Variants in TBC1D19 observed in about 807,000 individuals in gnomAD.
The protein encoded by TBC1D19 is TBC1 domain family, member 19.
A neutral mutation model predicts 89.0 loss-of-function variants in TBC1D19; 60 were observed. That is an observed-to-expected ratio of 0.67 (90% CI 0.55 to 0.84). TBC1D19 has a LOEUF of 0.84. Among genes scored for constraint, TBC1D19 ranks in the 40% least tolerant of loss-of-function variants. The probability of loss-of-function intolerance (pLI) is 0.00; values close to 1 mark genes in which losing one functional copy is unlikely to be tolerated. For synonymous variants in TBC1D19, 189 were observed against 199.7 expected (o/e 0.95, Z 0.45); for missense variants, 500 against 610.8 (o/e 0.82, Z 1.91).
chr4:26,772,954 G>T, the TBC1D19 span, among the ~76,000 whole-genome samples: 1 of 152,180 alleles, frequency 6.6e-6, no homozygotes, highest in Admixed American at 6.5e-5. Flanking sequence ...ATTACAGAAA[G>T]ATATATATTC....
At chr4:26,660,589 A>G (rs1425604437) in intron 8 of TBC1D19, among the ~76,000 whole-genome samples, 1 of 152,170 alleles carries the variant, frequency 6.6e-6, no homozygotes, top group African/African-American at 2.4e-5. Context: ...AGAAGGTTCT[A>G]GAGGGACACT....
chr4:26,682,988 C>T (rs1020210834), intron 11 of TBC1D19, among the ~76,000 whole-genome samples: 2 of 151,992 alleles, frequency 1.3e-5, no homozygotes, highest in Non-Finnish European at 2.9e-5. Flanking sequence ...GTCTGTTGCC[C>T]AGGCTGGAGA....
chr4:26,737,127 A>G (rs942346718), intron 16 of TBC1D19, among the ~76,000 whole-genome samples: 1 of 152,176 alleles, frequency 6.6e-6, no homozygotes, highest in Non-Finnish European at 1.5e-5. Context: ...GGTGAATGAC[A>G]TAATATAAAA....
At chr4:26,665,051 TG>T (rs896508391) in intron 8 of TBC1D19, among the ~76,000 whole-genome samples, 5 of 152,176 alleles carry the variant, frequency 3.3e-5, no homozygotes, top group African/African-American at 1.2e-4. Context: ...CCTGCTGAAC[TG>T]GGGCATAGTA....
the TBC1D19 span, among the ~76,000 whole-genome samples, chr4:26,783,605 T>C: frequency 3.9e-5 from 6 of 152,180 alleles, no homozygotes; most frequent in Non-Finnish European, 8.8e-5. Flanking sequence ...GCCAATCCTA[T>C]TTATCCACTT....
intron 8 of TBC1D19, among the ~76,000 whole-genome samples, chr4:26,661,018 G>A (rs1170856801): frequency 6.6e-6 from 1 of 152,148 alleles, no homozygotes; most frequent in Non-Finnish European, 1.5e-5. Flanking sequence ...AAGAAATGGA[G>A]GTACCACATG....
In TBC1D19 at chr4:26,756,199, C is replaced by T. The variant is rs954206655; in HGVS notation, c.*1252C>T. ...ATTCCATGATTGATTCTTAATAAACCCCATTTTATTGCTTTTGAAGGTGAT... is the reference window on the plus strand; with the variant it reads ...ATTCCATGATTGATTCTTAATAAACTCCATTTTATTGCTTTTGAAGGTGAT... On this transcript the variant is annotated 3_prime_UTR_variant, in exon 21 of 21. Transcript: ENST00000264866. Among the ~76,000 whole-genome samples, 12 of 151,898 alleles carry T rather than the reference C, an allele frequency of 7.9e-5. No individual in the cohort carries two copies. Among genetic ancestry groups the T allele is most frequent in the African/African-American group, 2.4e-4 (10 of 41,348 alleles).
intron 3 of TBC1D19, among the ~76,000 whole-genome samples, chr4:26,616,421 A>G (rs952324523): frequency 6.6e-6 from 1 of 152,216 alleles, no homozygotes; most frequent in Non-Finnish European, 1.5e-5. Context: ...ATGGAAGTGC[A>G]CATCAAGGGT....
At chr4:26,701,393 TA>T (rs146290517) in intron 13 of TBC1D19, among the ~76,000 whole-genome samples, 2,903 of 152,284 alleles carry the variant, frequency 0.019, 92 homozygotes, top group African/African-American at 0.067. Context: ...ACTTTTTGTT[TA>T]TAGTGCTTAT....
the TBC1D19 span, among the ~76,000 whole-genome samples, chr4:26,840,963 C>G: frequency 1.2e-4 from 19 of 152,136 alleles, no homozygotes; most frequent in African/African-American, 2.7e-4. Flanking sequence ...ACCCTTCCCC[C>G]CAAGACTGCC....
At chr4:26,610,044 C>T (rs561419887) in intron 1 of TBC1D19, among the ~76,000 whole-genome samples, 1 of 152,036 alleles carries the variant, frequency 6.6e-6, no homozygotes, top group Non-Finnish European at 1.5e-5. Context: ...TTTGAGAGTG[C>T]CAGGTGGAAG....
intron 1 of TBC1D19, among the ~76,000 whole-genome samples, chr4:26,606,455 A>G (rs1741009836): frequency 6.6e-6 from 1 of 152,230 alleles, no homozygotes; most frequent in African/African-American, 2.4e-5. Flanking sequence ...CAGAAGAGAC[A>G]TTAAGCTTAT....
intron 13 of TBC1D19, among the ~76,000 whole-genome samples, chr4:26,709,789 TA>T: frequency 6.6e-6 from 1 of 152,038 alleles, no homozygotes; most frequent in African/African-American, 2.4e-5. Context: ...AATTTTTGTC[TA>T]GGTGGGGAAA....
At chr4:26,754,751 G>A (rs1470879695) in intron 20 of TBC1D19, 122 bp from the exon 21 acceptor site, 2 of 685,526 alleles carry the variant, frequency 2.9e-6, no homozygotes, top group Non-Finnish European at 4.6e-6. Flanking sequence ...TGTAGCTTTA[G>A]TATTAAGATT....
In TBC1D19 at chr4:26,666,412, A is replaced by AT; in HGVS notation, c.664+12dup. On this transcript the variant is annotated splice_region_variant and intron_variant, in intron 9 of 20. Coordinates refer to ENST00000264866, the MANE Select transcript of TBC1D19 (RefSeq NM_018317.4). Reference sequence around the variant, plus strand: ...TCTACACAAGTGCCTCCTGGTTAGTATTTTTCCAACGGCATATAATTAATG... The same window carrying AT: ...TCTACACAAGTGCCTCCTGGTTAGTATTTTTTCCAACGGCATATAATTAATG... 2 of 1,605,990 alleles carry AT rather than the reference A, an allele frequency of 1.2e-6. No individual in the cohort carries two copies. Among genetic ancestry groups the AT allele is most frequent in the Non-Finnish European group, 8.5e-7 (1 of 1,174,802 alleles).
chr4:26,644,459 C>T (rs1743774721), intron 7 of TBC1D19, among the ~76,000 whole-genome samples: 1 of 152,156 alleles, frequency 6.6e-6, no homozygotes, highest in African/African-American at 2.4e-5. Flanking sequence ...AACCCACAGC[C>T]AGTATCATAC....
chr4:26,846,391 T>C, the TBC1D19 span, among the ~76,000 whole-genome samples: 1 of 152,222 alleles, frequency 6.6e-6, no homozygotes, highest in African/African-American at 2.4e-5. Flanking sequence ...TTTCAACTAC[T>C]TGTATTTATA....
At chr4:26,790,680 G>T in the TBC1D19 span, among the ~76,000 whole-genome samples, 4 of 152,164 alleles carry the variant, frequency 2.6e-5, no homozygotes, top group East Asian at 7.7e-4. Flanking sequence ...CAGCTGTAAA[G>T]TTTGCATTCT....
chr4:26,808,245 G>A, the TBC1D19 span, among the ~76,000 whole-genome samples: 1 of 152,156 alleles, frequency 6.6e-6, no homozygotes, highest in African/African-American at 2.4e-5. Context: ...GGAGTCAGAT[G>A]ATACTATCCA....
Sources: allele counts gnomAD v4.1 joint callset (sites outside exome capture counted in the v4.1 genomes callset), GRCh38; gene constraint gnomAD v4.1.1; transcripts MANE v1.5; gene names NCBI Gene and HGNC (gene_info 2026-07-23, HGNC 2026-07-21).